The following DLGAP2 variants were observed in gnomAD, a reference collection of about 807,000 sequenced individuals.
The protein encoded by DLGAP2 is DLG associated protein 2.
Under a neutral mutation model 100.3 loss-of-function variants are expected in DLGAP2, and 26 were observed. The observed-to-expected ratio is 0.26, with a 90% CI of 0.19 to 0.36. DLGAP2 has a LOEUF of 0.36. DLGAP2 is among the 10% of genes least tolerant of loss of function. The pLI is 1.00. For missense variants in DLGAP2, 1,858 were observed against 1,453.2 expected (o/e 1.28, Z -4.53); for synonymous variants, 886 against 630.1 (o/e 1.41, Z -6.08).
At chr8:1,284,104 G>A (rs1229056177) in intron 3 of DLGAP2, among the ~76,000 whole-genome samples, 1 of 152,190 alleles carries the variant, frequency 6.6e-6, no homozygotes, top group Non-Finnish European at 1.5e-5. Context: ...TGTCCTTAGA[G>A]CAGCAGGAAA....
chr8:1,157,237 C>T (rs918854137), intron 2 of DLGAP2, among the ~76,000 whole-genome samples: 5 of 152,092 alleles, frequency 3.3e-5, no homozygotes, highest in Non-Finnish European at 7.3e-5. Context: ...AGCATTCACG[C>T]GATTCCCCAG....
chr8:1,576,084 A>G (rs1166922580), intron 6 of DLGAP2, among the ~76,000 whole-genome samples: 3 of 152,158 alleles, frequency 2.0e-5, no homozygotes, highest in Admixed American at 6.5e-5. Flanking sequence ...AGTCCCACCA[A>G]CAGTGTAAAA....
At chr8:849,741 T>C (rs1279803217) in intron 1 of DLGAP2, among the ~76,000 whole-genome samples, 4 of 152,202 alleles carry the variant, frequency 2.6e-5, no homozygotes, top group Non-Finnish European at 5.9e-5. Context: ...TTTCCATCTT[T>C]ACTCTTCCAT....
At chr8:1,372,090 G>C (rs1339711404) in intron 3 of DLGAP2, among the ~76,000 whole-genome samples, 3 of 152,210 alleles carry the variant, frequency 2.0e-5, no homozygotes, top group African/African-American at 7.2e-5. Context: ...TGATGGGGTG[G>C]GCAGCTGGGG....
chr8:854,120 C>T (rs1246837317), intron 1 of DLGAP2, among the ~76,000 whole-genome samples: 3 of 152,118 alleles, frequency 2.0e-5, no homozygotes, highest in Non-Finnish European at 4.4e-5. Context: ...GATGAATTCC[C>T]GTTTCTTGTA....
chr8:974,254 C>A (rs931243771), intron 2 of DLGAP2, among the ~76,000 whole-genome samples: 2 of 152,140 alleles, frequency 1.3e-5, no homozygotes, highest in African/African-American at 4.8e-5. Flanking sequence ...AAAATGAAAT[C>A]TTGAAAGAAG....
At chr8:1,249,094 A>T (rs1231290309) in intron 2 of DLGAP2, among the ~76,000 whole-genome samples, 1 of 152,198 alleles carries the variant, frequency 6.6e-6, no homozygotes, top group Non-Finnish European at 1.5e-5. Flanking sequence ...AATGGAGTTC[A>T]ACACGAGTGT....
intron 2 of DLGAP2, among the ~76,000 whole-genome samples, chr8:1,188,431 G>A (rs1254827968): frequency 4.1e-5 from 5 of 122,970 alleles, no homozygotes; most frequent in South Asian, 2.6e-4. Context: ...GCGCACGCCC[G>A]GGACCTCCGT....
At chr8:1,353,328 A>G (rs1163951195) in intron 3 of DLGAP2, among the ~76,000 whole-genome samples, 2 of 152,226 alleles carry the variant, frequency 1.3e-5, no homozygotes, top group African/African-American at 4.8e-5. Flanking sequence ...TTACTTTATG[A>G]TGCTGTGAAA....
intron 2 of DLGAP2, among the ~76,000 whole-genome samples, chr8:1,205,133 C>A (rs577059319): frequency 4.6e-5 from 7 of 152,298 alleles, no homozygotes; most frequent in South Asian, 2.1e-4. Flanking sequence ...CTGCATCTCA[C>A]GTCCCTTGTC....
chr8:1,274,507 G>C (rs940273596), intron 3 of DLGAP2, among the ~76,000 whole-genome samples: 5 of 148,024 alleles, frequency 3.4e-5, no homozygotes, highest in Non-Finnish European at 6.0e-5. Context: ...CTTTGGATTT[G>C]TTTTAGAACA....
chr8:1,186,684 C>T (rs995500993), intron 2 of DLGAP2, among the ~76,000 whole-genome samples: 2 of 152,022 alleles, frequency 1.3e-5, no homozygotes, highest in African/African-American at 2.4e-5. Context: ...GAGGTTGGGA[C>T]TGGGGGGCCT....
chr8:1,585,762 G>T (rs1796097768), intron 6 of DLGAP2, among the ~76,000 whole-genome samples: 1 of 152,146 alleles, frequency 6.6e-6, no homozygotes, highest in Non-Finnish European at 1.5e-5. Flanking sequence ...TACACTCGCA[G>T]TCCATTCATT....
intron 2 of DLGAP2, among the ~76,000 whole-genome samples, chr8:1,059,666 G>A (rs1016540300): frequency 7.2e-5 from 11 of 152,288 alleles, no homozygotes; most frequent in African/African-American, 2.6e-4. Context: ...ATGCTTGTGG[G>A]TAGATATGCT....
intron 1 of DLGAP2, among the ~76,000 whole-genome samples, chr8:876,401 C>T (rs6983268): frequency 0.8 from 122,411 of 152,166 alleles, 50,201 homozygotes; most frequent in African/African-American, 0.87. Flanking sequence ...TTTCTGGATA[C>T]AGCATTCGTG....
At chr8:834,583 C>A (rs536670798) in intron 1 of DLGAP2, among the ~76,000 whole-genome samples, 13 of 152,294 alleles carry the variant, frequency 8.5e-5, no homozygotes, top group African/African-American at 2.6e-4. Flanking sequence ...TTAGATCTTT[C>A]TACCTTTAAA....
At chr8:1,580,709 G>T (rs1233217529) in intron 6 of DLGAP2, among the ~76,000 whole-genome samples, 3 of 151,934 alleles carry the variant, frequency 2.0e-5, no homozygotes, top group South Asian at 2.1e-4. Context: ...TACCAGAAGT[G>T]AAGGATACAG....
At chr8:894,916 G>A in intron 1 of DLGAP2, among the ~76,000 whole-genome samples, 1 of 135,004 alleles carries the variant, frequency 7.4e-6, no homozygotes, top group Non-Finnish European at 1.6e-5. Flanking sequence ...GCGGGGTGGG[G>A]GGAGTGGAGT....
chr8:785,089 C>T (rs1351673024), intron 1 of DLGAP2, among the ~76,000 whole-genome samples: 11 of 151,674 alleles, frequency 7.3e-5, no homozygotes, highest in East Asian at 1.9e-4. Context: ...TGGTGGCAGG[C>T]GCCTGTAGTC....
Sources: allele counts gnomAD v4.1 joint callset (sites outside exome capture counted in the v4.1 genomes callset), GRCh38; gene constraint gnomAD v4.1.1; transcripts MANE v1.5; gene names NCBI Gene and HGNC (gene_info 2026-07-23, HGNC 2026-07-21).